DCAF4: variants seen among roughly 807,000 people sequenced by gnomAD.
The protein encoded by DCAF4 is DDB1 and CUL4 associated factor 4.
A neutral mutation model predicts 60.9 loss-of-function variants in DCAF4; 37 were observed. The ratio of observed to expected loss-of-function variants is 0.61; its 90% CI spans 0.47 to 0.80. The LOEUF (loss-of-function observed/expected upper bound fraction) is 0.80. DCAF4 is among the 30% of genes least tolerant of loss of function. The pLI, the probability that DCAF4 is intolerant of heterozygous loss-of-function variation, is 0.00. For synonymous variants in DCAF4, 243 were observed against 254.8 expected, an observed-to-expected ratio of 0.95 and a Z score of 0.44; for missense variants, 577 against 650.0, an observed-to-expected ratio of 0.89 and a Z score of 1.22.
intron 1 of DCAF4, among the ~76,000 whole-genome samples, chr14:72,934,541 C>T (rs1347141646): frequency 6.6e-6 from 1 of 152,180 alleles, no homozygotes; most frequent in African/African-American, 2.4e-5. Context: ...CTGCCCACCT[C>T]AGTCTGCCAA....
intron 11 of DCAF4, 78 bp downstream of exon 11, chr14:72,954,561 TG>T: frequency 7.5e-7 from 1 of 1,330,108 alleles, no homozygotes; most frequent in Non-Finnish European, 1.1e-6. Flanking sequence ...TGGACTCCTC[TG>T]TGTGCCATCT....
chr14:72,927,943 A>G (rs1356670100), intron 1 of DCAF4, among the ~76,000 whole-genome samples: 1 of 152,086 alleles, frequency 6.6e-6, no homozygotes, highest in Non-Finnish European at 1.5e-5. Context: ...GGCATGCACC[A>G]CCACACCCGG....
At chr14:72,940,000 A>C (rs1476347969) in intron 3 of DCAF4, 98 bp downstream of exon 3, 6 of 1,313,856 alleles carry the variant, frequency 4.6e-6, no homozygotes, top group Non-Finnish European at 6.3e-6. Context: ...AAATTGAAAC[A>C]CTCAGGGAAG....
chr14:72,955,048 T>A (rs1594802097), intron 11 of DCAF4, among the ~76,000 whole-genome samples: 1 of 151,466 alleles, frequency 6.6e-6, no homozygotes, highest in Admixed American at 6.6e-5. Context: ...GAGGCGGAGG[T>A]TGCAGTGAGC....
At chr14:72,943,758 C>A (rs1388811812) in intron 6 of DCAF4, among the ~76,000 whole-genome samples, 1 of 152,148 alleles carries the variant, frequency 6.6e-6, no homozygotes, top group East Asian at 1.9e-4. Flanking sequence ...CCCGGCAAGC[C>A]CTATCCTTCC....
At chr14:72,939,280 A>G (rs1376344701) in intron 2 of DCAF4, among the ~76,000 whole-genome samples, 1 of 152,188 alleles carries the variant, frequency 6.6e-6, no homozygotes, top group Non-Finnish European at 1.5e-5. Flanking sequence ...TTGTGGATTT[A>G]CAAATCAAGT....
chr14:72,936,301 C>T (rs574041231), intron 1 of DCAF4, among the ~76,000 whole-genome samples: 2 of 152,268 alleles, frequency 1.3e-5, no homozygotes, highest in South Asian at 4.1e-4. Flanking sequence ...TGGTGGCCCA[C>T]GCCTGTAATC....
intron 8 of DCAF4, among the ~76,000 whole-genome samples, chr14:72,947,704 G>A (rs1434724498): frequency 6.6e-6 from 1 of 152,202 alleles, no homozygotes; most frequent in Non-Finnish European, 1.5e-5. Flanking sequence ...TCCTCCTAGG[G>A]GAAGCTGAGG....
At chr14:72,951,904 A>G in intron 9 of DCAF4, 27 bp downstream of exon 9, 4 of 1,612,556 alleles carry the variant, frequency 2.5e-6, no homozygotes, top group Non-Finnish European at 3.4e-6. Flanking sequence ...CTTTAAAGAA[A>G]TCTGTCCTCT....
chr14:72,931,959 A>G (rs958708579), intron 1 of DCAF4, among the ~76,000 whole-genome samples: 1 of 150,056 alleles, frequency 6.7e-6, no homozygotes, highest in Non-Finnish European at 1.5e-5. Context: ...CTCTGTATTC[A>G]TAACCCATAC....
intron 6 of DCAF4, among the ~76,000 whole-genome samples, chr14:72,944,960 GCACCTGTAGT>G (rs1890532811): frequency 6.6e-6 from 1 of 151,986 alleles, no homozygotes; most frequent in Non-Finnish European, 1.5e-5. Flanking sequence ...GTGGTGGTGC[GCACCTGTAGT>G]CCCAGCTACT....
In DCAF4 at chr14:72,952,171, A is replaced by T. The variant is rs1891508693; in HGVS notation, c.808+294A>T. Among the ~76,000 whole-genome samples, 2 of 152,204 alleles carry T rather than the reference A, an allele frequency of 1.3e-5. 1 individual carries two copies. The highest frequency in any genetic ancestry group is 4.1e-4 in the South Asian group (2 of 4,832). ...GCACATCATTCAGAAAACACCTCTG[A>T]AGGTCCAAAGCACCTCAGGTGCTAT... is the stretch of plus-strand genomic sequence containing the variant. On this transcript the variant is annotated intron_variant, in intron 9 of 13. Transcript: ENST00000358377.
At position 72,958,722 on chromosome 14, in the gene DCAF4, T is replaced by C. The variant is rs1163003139; in HGVS notation, c.1405T>C (p.Ser469Pro). ...GGCCGACATTCCCAGTGTGGCCTTCTCGTCGCGGCTGGGGGGCTCCCGGGG... is the reference window on the plus strand; with the variant it reads ...GGCCGACATTCCCAGTGTGGCCTTCCCGTCGCGGCTGGGGGGCTCCCGGGG... ...SKADIPSVAF[S>P]SRLGGSRGAP... The change falls in exon 14 of 14, where the codon TCG (serine) becomes CCG (proline). Residue 469 changes from serine to proline, a missense_variant. Transcript: ENST00000358377. 1 of 1,613,724 alleles carries C rather than the reference T, an allele frequency of 6.2e-7. No individual in the cohort carries two copies. The highest frequency in any genetic ancestry group is 8.5e-7 in the Non-Finnish European group (1 of 1,179,866).
At chr14:72,955,498 C>A in intron 11 of DCAF4, 25 bp from the exon 12 acceptor site, 1 of 1,607,702 alleles carries the variant, frequency 6.2e-7, no homozygotes. Flanking sequence ...GATAGCCAGG[C>A]ACTGAGCAGT....
intron 6 of DCAF4, among the ~76,000 whole-genome samples, chr14:72,943,944 G>T (rs544051270): frequency 6.6e-6 from 1 of 152,346 alleles, no homozygotes; most frequent in South Asian, 2.1e-4. Flanking sequence ...TGTAAGGGGT[G>T]TTGGGGACCG....
chr14:72,961,061 A>G (rs1398230209), downstream of DCAF4, among the ~76,000 whole-genome samples: 1 of 151,578 alleles, frequency 6.6e-6, no homozygotes, highest in Non-Finnish European at 1.5e-5. Flanking sequence ...TTAATTTTTT[A>G]TTTTTTGTAG....
At position 72,945,943 on chromosome 14, in the gene DCAF4, G is replaced by A; in HGVS notation, c.594G>A (p.Lys198=). ...ACGATGTTAAAGTTGGAGGCTCCAAGTATGGTATCATCAACCTGCAAAGTC... is the reference window on the plus strand; with the variant it reads ...ACGATGTTAAAGTTGGAGGCTCCAAATATGGTATCATCAACCTGCAAAGTC... ...TVNDVKVGGS[K]YGIINLQSLK... is the part of the protein sequence containing the mutation. Residue 198 remains lysine (K), a synonymous_variant, in exon 7 of 14, where the codon AAG becomes AAA. Coordinates refer to ENST00000358377, the MANE Select transcript of DCAF4 (RefSeq NM_015604.4). 4 of 1,614,178 alleles carry A rather than the reference G, an allele frequency of 2.5e-6. No homozygotes were observed. The highest frequency in any genetic ancestry group is 3.4e-6 in the Non-Finnish European group (4 of 1,180,024).
At chr14:72,953,728 A>ATATATATAT (rs1479912270) in intron 9 of DCAF4, among the ~76,000 whole-genome samples, 9 of 37,752 alleles carry the variant, frequency 2.4e-4, no homozygotes, top group African/African-American at 4.7e-4. Flanking sequence ...AAAAAAAAAA[A>ATATATATAT]AAAAATATAT....
intron 8 of DCAF4, among the ~76,000 whole-genome samples, chr14:72,948,424 A>G (rs1369303440): frequency 6.6e-6 from 1 of 152,162 alleles, no homozygotes; most frequent in Non-Finnish European, 1.5e-5. Context: ...GCATCAAACT[A>G]TGTGTGTTCT....
Sources: allele counts gnomAD v4.1 joint callset (sites outside exome capture counted in the v4.1 genomes callset), GRCh38; gene constraint gnomAD v4.1.1; transcripts MANE v1.5; gene names NCBI Gene and HGNC (gene_info 2026-07-23, HGNC 2026-07-21).